The following LRP12 variants were observed in gnomAD, a reference collection of about 807,000 sequenced individuals.
LRP12 encodes the protein low-density lipoprotein receptor-related protein 12.
LRP12 carries 14 observed loss-of-function variants against 66.0 expected under a neutral mutation model. The ratio of observed to expected loss-of-function variants is 0.21; its 90% CI spans 0.14 to 0.33. The LOEUF (loss-of-function observed/expected upper bound fraction) is 0.33, where lower values mean the gene tolerates loss of function less well. Among genes scored for constraint, LRP12 ranks in the 10% least tolerant of loss-of-function variants. The pLI, the probability that LRP12 is intolerant of heterozygous loss-of-function variation, is 1.00. For synonymous variants in LRP12, 357 were observed against 359.1 expected, an observed-to-expected ratio of 0.99 and a Z score of 0.07; for missense variants, 889 against 1,053.4, an observed-to-expected ratio of 0.84 and a Z score of 2.16.
Position 104,548,556 on chromosome 8 carries a change from G to A in LRP12, c.80-16593C>T, listed in dbSNP as rs1199771787. 3.4e-4 allele frequency among the ~76,000 whole-genome samples: 33 copies of A among 95,966 alleles called. No individual in the cohort carries two copies. In the East Asian group the frequency reaches 7.5e-3, roughly 22 times the overall value. 63.0% of individuals were successfully genotyped at this position (95,966 alleles called of 152,430 possible). A position where few individuals can be genotyped will look rare whatever the true frequency, so the allele number is the denominator to read the frequency against. ...TAATTCTATGTTATATTTTGTATAT[G>A]ATATAGAATTATAATTCTATATTAT... On this transcript the variant is annotated intron_variant, in intron 1 of 6. Transcript: ENST00000276654.
chr8:104,532,995 G>T (rs531303626), intron 1 of LRP12, among the ~76,000 whole-genome samples: 1 of 152,004 alleles, frequency 6.6e-6, no homozygotes, highest in East Asian at 1.9e-4. Context: ...GTTGATTTTT[G>T]TAACTGTGTA....
chr8:104,492,468 T>C (rs1399596907), intron 6 of LRP12, among the ~76,000 whole-genome samples: 1 of 152,172 alleles, frequency 6.6e-6, no homozygotes, highest in African/African-American at 2.4e-5. Flanking sequence ...ACCTGGCATT[T>C]AGTATTTAAA....
intron 1 of LRP12, among the ~76,000 whole-genome samples, chr8:104,564,978 A>T (rs1305746803): frequency 6.6e-6 from 1 of 152,096 alleles, no homozygotes; most frequent in Non-Finnish European, 1.5e-5. Flanking sequence ...ACAAATTATA[A>T]TTTAGAAGAC....
At chr8:104,538,970 C>A (rs778168299) in intron 1 of LRP12, among the ~76,000 whole-genome samples, 14 of 151,998 alleles carry the variant, frequency 9.2e-5, no homozygotes, top group Non-Finnish European at 1.3e-4. Flanking sequence ...GACAGAGGAC[C>A]ATTTTAAATC....
chr8:104,491,439 C>T lies in LRP12; in HGVS notation c.1814G>A (p.Arg605His), dbSNP rs375217183. The change falls in exon 7 of 7, where the codon CGT (arginine) becomes CAT (histidine). Residue 605 changes from arginine (R) to histidine (H), a missense_variant. By Grantham distance (29) the Arg-to-His change is conservative. Coordinates refer to ENST00000276654, the MANE Select transcript of LRP12 (RefSeq NM_013437.5). ...MAGRSSNIWN[R>H]IFNFARSRHS... ...ACGTGATCTTGCAAAATTAAAAATA[C>T]GGTTCCAAATGTTGCTTGATCTGCC... The T allele has an allele frequency of 7.9e-5, 127 of 1,613,976 alleles. No individual in the cohort carries two copies. The highest frequency in any genetic ancestry group is 1.0e-4 in the Non-Finnish European group (119 of 1,180,020).
At chr8:104,550,337 T>C (rs1360671834) in intron 1 of LRP12, among the ~76,000 whole-genome samples, 1 of 152,250 alleles carries the variant, frequency 6.6e-6, no homozygotes, top group Non-Finnish European at 1.5e-5. Flanking sequence ...ATGTACTATG[T>C]ACCAAATGAT....
intron 2 of LRP12, among the ~76,000 whole-genome samples, chr8:104,526,413 G>A (rs1288095742): frequency 3.5e-4 from 53 of 150,742 alleles, no homozygotes; most frequent in African/African-American, 7.0e-4. Flanking sequence ...GAGGCATCAC[G>A]CTACCTGACT....
chr8:104,499,242 A>G, intron 4 of LRP12, 75 bp downstream of exon 4: 1 of 1,156,524 alleles, frequency 8.6e-7, no homozygotes, highest in Non-Finnish European at 1.3e-6. Context: ...CACTACTTAG[A>G]AGATTAGCTC....
chr8:104,585,805 G>C (rs1405096386), intron 1 of LRP12, among the ~76,000 whole-genome samples: 1 of 152,174 alleles, frequency 6.6e-6, no homozygotes, highest in African/African-American at 2.4e-5. Context: ...GAGACAAACA[G>C]AAGTGGAAAG....
At chr8:104,491,601 A>C (rs1480033189) in intron 6 of LRP12, 62 bp from the exon 7 acceptor site, 22 of 1,312,506 alleles carry the variant, frequency 1.7e-5, no homozygotes, top group African/African-American at 1.3e-4. Flanking sequence ...AAAAAAAAAA[A>C]AAAACACCCT....
chr8:104,527,228 TTGG>T (rs1811252689), intron 2 of LRP12, among the ~76,000 whole-genome samples: 1 of 143,168 alleles, frequency 7.0e-6, no homozygotes, highest in Non-Finnish European at 1.5e-5. Context: ...TTTTACACTG[TTGG>T]TGGGACTGTA....
chr8:104,571,550 C>T (rs575642468), intron 1 of LRP12, among the ~76,000 whole-genome samples: 1 of 152,290 alleles, frequency 6.6e-6, no homozygotes, highest in East Asian at 1.9e-4. Context: ...ATTCTCCTTC[C>T]TGTCACCTTG....
In LRP12 at chr8:104,497,709, A is replaced by G. The variant is rs778564557; in HGVS notation, c.843T>C (p.Pro281=). ...NSPNYPDFYP[P]GSNCTWLIDT... ...CTATTAACCAGGTGCAATTGCTTCC[A>G]GGAGGATAAAAGTCTGGATAATTGG... The change falls in exon 5 of 7, where the codon CCT becomes CCC. Residue 281 remains proline, a synonymous_variant. Coordinates refer to ENST00000276654, the MANE Select transcript of LRP12 (RefSeq NM_013437.5). The surrounding 1 kb of genome is among the most constrained non-coding windows in gnomAD (Gnocchi z 4.3). The G allele has an allele frequency of 6.2e-7, 1 of 1,613,988 alleles. No homozygotes were observed. The highest frequency in any genetic ancestry group is 2.2e-5 in the East Asian group (1 of 44,880).
At chr8:104,511,545 G>A (rs1029087594) in intron 2 of LRP12, among the ~76,000 whole-genome samples, 25 of 151,762 alleles carry the variant, frequency 1.6e-4, no homozygotes, top group Non-Finnish European at 2.9e-4. Flanking sequence ...TTTGTTTTCC[G>A]TAACAGGGGT....
At chr8:104,568,242 T>C (rs1273687910) in intron 1 of LRP12, among the ~76,000 whole-genome samples, 1 of 152,142 alleles carries the variant, frequency 6.6e-6, no homozygotes, top group Non-Finnish European at 1.5e-5. Flanking sequence ...ATTTGACCCC[T>C]ACCTCACATC....
chr8:104,502,422 G>C (rs2140837232), intron 3 of LRP12, among the ~76,000 whole-genome samples: 1 of 152,296 alleles, frequency 6.6e-6, no homozygotes, highest in Admixed American at 6.5e-5. Context: ...AAGGATTCGA[G>C]AATAATTTAA....
chr8:104,498,183 C>T lies in LRP12; in HGVS notation c.476-107G>A, dbSNP rs926112642. On this transcript the variant is annotated intron_variant, in intron 4 of 6. Transcript: ENST00000276654. ...TTTTTATAATAAATGTTCATAAAGC[C>T]CAAGTGCTAGAAGTTTTAAAAAACA... The T allele has an allele frequency of 2.8e-5, 31 of 1,124,756 alleles. 1 individual carries two copies. The highest frequency in any genetic ancestry group is 2.7e-4 in the Admixed American group (9 of 32,766). 69.7% of individuals were successfully genotyped at this position (1,124,756 alleles called of 1,614,324 possible). A position where few individuals can be genotyped will look rare whatever the true frequency, so the allele number is the denominator to read the frequency against.
chr8:104,536,997 G>A (rs1185943618), intron 1 of LRP12, among the ~76,000 whole-genome samples: 3 of 151,740 alleles, frequency 2.0e-5, no homozygotes, highest in Non-Finnish European at 4.4e-5. Context: ...AACTGCTGCT[G>A]GTTATAAAAG....
intron 3 of LRP12, chr8:104,506,938 T>A (rs1458353281): frequency 1.3e-5 from 2 of 152,166 alleles, no homozygotes; most frequent in Admixed American, 1.3e-4. Context: ...AATTTAAAAT[T>A]TTTATTTTAA....
Sources: gnomAD v4.1 joint callset for allele counts (sites outside exome capture counted in the v4.1 genomes callset) on GRCh38, gnomAD v4.1.1 for gene constraint, Gnocchi (gnomAD v3.1) non-coding constraint, MANE v1.5 for transcripts, NCBI Gene and HGNC (gene_info 2026-07-23, HGNC 2026-07-21) for gene names.